Variants in SH3BGRL2 observed in about 807,000 individuals in gnomAD.
SH3BGRL2 encodes SH3 domain-binding glutamic acid-rich-like protein 2.
SH3BGRL2 carries 21 observed loss-of-function variants against 14.8 expected under a neutral mutation model. The observed-to-expected ratio is 1.42, with a 90% CI of 1.01 to 2.05. SH3BGRL2 has a LOEUF of 2.05. Among genes scored for constraint, SH3BGRL2 ranks in the 30% most tolerant of loss-of-function variants. SH3BGRL2 has a pLI of 0.00. For synonymous variants in SH3BGRL2, 50 were observed against 47.8 expected, an observed-to-expected ratio of 1.05 and a Z score of -0.19; for missense variants, 147 against 130.8, an observed-to-expected ratio of 1.12 and a Z score of -0.61.
At chr6:79,617,353 T>A in the SH3BGRL2 span, among the ~76,000 whole-genome samples, 122 of 152,324 alleles carry the variant, frequency 8.0e-4, 1 homozygote, top group African/African-American at 2.8e-3. Context: ...TATCCCTAAA[T>A]ATTTTGTTCT....
the SH3BGRL2 span, among the ~76,000 whole-genome samples, chr6:79,618,769 A>G: frequency 6.6e-6 from 1 of 151,776 alleles, no homozygotes; most frequent in Non-Finnish European, 1.5e-5. Flanking sequence ...AAATACAAAA[A>G]TTAGCCATGC....
At chr6:79,684,096 A>T (rs1453001715) in intron 2 of SH3BGRL2, among the ~76,000 whole-genome samples, 7 of 152,182 alleles carry the variant, frequency 4.6e-5, no homozygotes, top group African/African-American at 1.4e-4. Context: ...GAAGATATGG[A>T]TGCTATTTAT....
chr6:79,553,470 T>C, the SH3BGRL2 span, among the ~76,000 whole-genome samples: 6 of 152,306 alleles, frequency 3.9e-5, no homozygotes, highest in East Asian at 1.2e-3. Context: ...AAAACTTTAG[T>C]GTACATTTTG....
chr6:79,673,795 G>C lies in SH3BGRL2; in HGVS notation c.227G>C (p.Cys76Ser). The change falls in exon 2 of 4, where the codon TGT becomes TCT. Residue 76 changes from cysteine (C) to serine (S), a missense_variant. Transcript: ENST00000369838. Reference sequence around the variant, plus strand: ...CAGATATTTAATGGCGACCGATACTGTGGAGTAAGTGGCTAGACTGTTATC... The same window carrying C: ...CAGATATTTAATGGCGACCGATACTCTGGAGTAAGTGGCTAGACTGTTATC... ...PPQIFNGDRY[C>S]GDYDSFFESK... The C allele has an allele frequency of 6.2e-7, 1 of 1,613,234 alleles. No individual in the cohort carries two copies. Among genetic ancestry groups the C allele is most frequent in the South Asian group, 1.1e-5 (1 of 91,010 alleles).
intron 1 of SH3BGRL2, among the ~76,000 whole-genome samples, chr6:79,670,570 A>C (rs1030125336): frequency 2.0e-5 from 3 of 152,226 alleles, no homozygotes; most frequent in African/African-American, 7.2e-5. Context: ...CTTCATCATA[A>C]TACAGTATTT....
upstream of SH3BGRL2, among the ~76,000 whole-genome samples, chr6:79,630,069 C>G (rs1768794852): frequency 2.0e-5 from 3 of 152,078 alleles, no homozygotes; most frequent in Admixed American, 1.3e-4. Flanking sequence ...ATACTAAAGA[C>G]AGCAAAACTT....
At chr6:79,659,827 T>C (rs986910289) in intron 1 of SH3BGRL2, among the ~76,000 whole-genome samples, 3 of 152,224 alleles carry the variant, frequency 2.0e-5, no homozygotes, top group African/African-American at 4.8e-5. Context: ...AGCAGTGGTT[T>C]GTAGTTCTCC....
chr6:79,611,176 C>T, the SH3BGRL2 span, among the ~76,000 whole-genome samples: 1 of 152,094 alleles, frequency 6.6e-6, no homozygotes, highest in Non-Finnish European at 1.5e-5. Flanking sequence ...AAAAGTGAAA[C>T]TCTCTGAGTT....
At chr6:79,697,186 G>A (rs1363851590) in intron 3 of SH3BGRL2, among the ~76,000 whole-genome samples, 1 of 151,950 alleles carries the variant, frequency 6.6e-6, no homozygotes, top group East Asian at 1.9e-4. Flanking sequence ...GTACTATTTT[G>A]ATATTATTTC....
chr6:79,610,970 G>A, the SH3BGRL2 span, among the ~76,000 whole-genome samples: 1 of 152,210 alleles, frequency 6.6e-6, no homozygotes, highest in East Asian at 1.9e-4. Context: ...TTGGTGTGTG[G>A]TTTTGGGGAG....
the SH3BGRL2 span, among the ~76,000 whole-genome samples, chr6:79,615,832 CT>C: frequency 4.0e-3 from 442 of 109,192 alleles, 4 homozygotes; most frequent in Non-Finnish European, 5.8e-3. Context: ...TTTTTTCTTT[CT>C]TTTTTTTTTT....
intron 2 of SH3BGRL2, among the ~76,000 whole-genome samples, chr6:79,676,649 A>G (rs1445226371): frequency 3.6e-4 from 47 of 131,172 alleles, no homozygotes; most frequent in Admixed American, 9.5e-4. Context: ...GTATATATAT[A>G]TAATCTTTTT....
At chr6:79,647,199 A>G (rs985733570) in intron 1 of SH3BGRL2, among the ~76,000 whole-genome samples, 2 of 152,060 alleles carry the variant, frequency 1.3e-5, no homozygotes, top group African/African-American at 4.8e-5. Context: ...CCTCTCCTAC[A>G]TTTGTGATTA....
chr6:79,560,015 G>A, the SH3BGRL2 span, among the ~76,000 whole-genome samples: 2 of 151,974 alleles, frequency 1.3e-5, no homozygotes, highest in African/African-American at 4.8e-5. Flanking sequence ...CGAAGGAGGA[G>A]GAGAAGGAGG....
At chr6:79,640,611 G>A (rs537928975) in intron 1 of SH3BGRL2, among the ~76,000 whole-genome samples, 24 of 152,032 alleles carry the variant, frequency 1.6e-4, no homozygotes, top group African/African-American at 5.3e-4. Context: ...TGAGTATTTG[G>A]CAGAACTCCA....
the SH3BGRL2 span, among the ~76,000 whole-genome samples, chr6:79,576,933 A>G: frequency 3.7e-4 from 56 of 152,230 alleles, no homozygotes; most frequent in East Asian, 8.9e-3. Flanking sequence ...CGAATCATCC[A>G]TGTGTTGCAT....
chr6:79,694,508 A>C (rs1770290908), intron 2 of SH3BGRL2, among the ~76,000 whole-genome samples: 1 of 152,196 alleles, frequency 6.6e-6, no homozygotes, highest in African/African-American at 2.4e-5. Flanking sequence ...AGTTAGGATC[A>C]TATTTTGTCT....
chr6:79,682,938 A>T (rs1770015774), intron 2 of SH3BGRL2, among the ~76,000 whole-genome samples: 1 of 152,182 alleles, frequency 6.6e-6, no homozygotes, highest in Admixed American at 6.5e-5. Flanking sequence ...TTCTCAGCAA[A>T]CTATCACAAG....
In SH3BGRL2 at chr6:79,656,556, G is replaced by A. The variant is rs138100198; in HGVS notation, c.46-17058G>A. 2.5e-3 allele frequency among the ~76,000 whole-genome samples: 380 copies of A among 152,120 alleles called. 2 individuals are homozygous for A. The highest frequency in any genetic ancestry group is 1.0e-2 in the South Asian group (48 of 4,812). On this transcript the variant is annotated intron_variant, in intron 1 of 3. Coordinates refer to ENST00000369838, the MANE Select transcript of SH3BGRL2 (RefSeq NM_031469.4). ...ACAGTTGGCCCTTCCGTATTTGCAG[G>A]TTCCACATCCTTGGATTCAACCATC... is the stretch of plus-strand genomic sequence containing the variant.
Sources: gnomAD v4.1 joint callset for allele counts (sites outside exome capture counted in the v4.1 genomes callset) on GRCh38, gnomAD v4.1.1 for gene constraint, MANE v1.5 for transcripts, NCBI Gene and HGNC (gene_info 2026-07-23, HGNC 2026-07-21) for gene names.